OPCML: variants seen among roughly 807,000 people sequenced by gnomAD.
The protein encoded by OPCML is opioid-binding protein/cell adhesion molecule.
In OPCML, 13 loss-of-function variants were observed where a neutral mutation model predicts 37.8. That is an observed-to-expected ratio of 0.34 (90% CI 0.22 to 0.55). The LOEUF is 0.55. Among genes scored for constraint, OPCML ranks in the 20% least tolerant of loss-of-function variants. The probability of loss-of-function intolerance (pLI) is 0.91; values close to 1 mark genes in which losing one functional copy is unlikely to be tolerated. For missense variants in OPCML, 341 were observed against 435.6 expected (o/e 0.78, Z 1.93); for synonymous variants, 176 against 168.8 (o/e 1.04, Z -0.33).
At chr11:133,084,295 G>A in intron 1 of OPCML, among the ~76,000 whole-genome samples, 1 of 152,146 alleles carries the variant, frequency 6.6e-6, no homozygotes, top group East Asian at 1.9e-4. Flanking sequence ...TGCACACCCT[G>A]CGCACTCCAT....
chr11:132,470,320 A>G (rs919218098), intron 4 of OPCML, among the ~76,000 whole-genome samples: 3 of 152,082 alleles, frequency 2.0e-5, no homozygotes, highest in Non-Finnish European at 2.9e-5. Context: ...GCTTCCTACT[A>G]GATCAGCTAT....
intron 2 of OPCML, among the ~76,000 whole-genome samples, chr11:132,711,453 A>G (rs1784520): frequency 0.77 from 116,971 of 152,128 alleles, 45,152 homozygotes; most frequent in African/African-American, 0.8. Flanking sequence ...AACTTGACTC[A>G]AATTTAACAT....
intron 1 of OPCML, among the ~76,000 whole-genome samples, chr11:133,499,114 G>A (rs1476219338): frequency 2.0e-5 from 3 of 152,122 alleles, no homozygotes; most frequent in African/African-American, 7.2e-5. Context: ...AATGCTCCCT[G>A]TCCACTGAGG....
intron 1 of OPCML, chr11:133,298,353 A>G (rs1042083728): frequency 6.6e-6 from 1 of 152,246 alleles, no homozygotes; most frequent in Non-Finnish European, 1.5e-5. Flanking sequence ...TAAGAAAGAC[A>G]GAAAATGGTA....
At position 133,492,769 on chromosome 11, in the gene OPCML, C is replaced by T. The variant is rs140924053; in HGVS notation, c.61+39495G>A. Among the ~76,000 whole-genome samples the T allele has an allele frequency of 1.1e-4, 17 of 149,392 alleles. No homozygotes were observed. In the East Asian group the frequency reaches 1.8e-3, roughly 16 times the overall value. On this transcript the variant is annotated intron_variant, in intron 1 of 7. Transcript: ENST00000524381. ...AGTAAAATTTCTGAATAAATATTAA[C>T]GGGAAATTTATAAGCACTTAGTGGC...
At chr11:132,599,665 A>T (rs1444389100) in intron 3 of OPCML, among the ~76,000 whole-genome samples, 1 of 152,196 alleles carries the variant, frequency 6.6e-6, no homozygotes, top group African/African-American at 2.4e-5. Context: ...CTAGTTGTAT[A>T]TACAGGAGTC....
At chr11:132,861,691 C>T (rs1490337081) in intron 2 of OPCML, among the ~76,000 whole-genome samples, 29 of 151,964 alleles carry the variant, frequency 1.9e-4, no homozygotes. Flanking sequence ...AAAAATTAGC[C>T]AGGCGTGGTG....
chr11:133,422,711 C>T (rs968014310), intron 1 of OPCML: 8 of 982,880 alleles, frequency 8.1e-6, no homozygotes, highest in Middle Eastern at 5.2e-4. Flanking sequence ...CAAACACTCT[C>T]AAACTTTCTC....
chr11:132,475,584 A>G (rs73585042), intron 4 of OPCML, among the ~76,000 whole-genome samples: 1,750 of 152,304 alleles, frequency 0.011, 24 homozygotes, highest in African/African-American at 0.037. Flanking sequence ...AGAAAAGAAC[A>G]TGTGAAGAGG....
At chr11:132,588,892 C>G (rs1218497445) in intron 3 of OPCML, among the ~76,000 whole-genome samples, 3 of 152,180 alleles carry the variant, frequency 2.0e-5, no homozygotes, top group Non-Finnish European at 4.4e-5. Flanking sequence ...GCAAGCAACT[C>G]TATCTCAGAT....
intron 1 of OPCML, among the ~76,000 whole-genome samples, chr11:133,037,385 G>T (rs1003487742): frequency 1.3e-5 from 2 of 152,198 alleles, no homozygotes; most frequent in Non-Finnish European, 2.9e-5. Context: ...AAGCGTTCAA[G>T]TTGAGGCTGC....
chr11:132,611,087 T>G (rs1478089521), intron 3 of OPCML, among the ~76,000 whole-genome samples: 1 of 152,198 alleles, frequency 6.6e-6, no homozygotes, highest in Non-Finnish European at 1.5e-5. Context: ...CCATGACATT[T>G]CTCTGGGATT....
chr11:132,921,259 G>C (rs528252806), intron 2 of OPCML, among the ~76,000 whole-genome samples: 1 of 152,180 alleles, frequency 6.6e-6, no homozygotes, highest in African/African-American at 2.4e-5. Flanking sequence ...TCGCCTCCCT[G>C]TTTGGCTTTT....
intron 4 of OPCML, among the ~76,000 whole-genome samples, chr11:132,439,529 C>T (rs2096024930): frequency 6.6e-6 from 1 of 152,224 alleles, no homozygotes; most frequent in African/African-American, 2.4e-5. Flanking sequence ...TCTTGCCCTA[C>T]TCCCTTTATT....
In OPCML at chr11:133,039,668, C is replaced by T. The variant is rs558917097; in HGVS notation, c.62-96658G>A. 8.5e-5 allele frequency among the ~76,000 whole-genome samples: 13 copies of T among 152,244 alleles called. 1 individual carries two copies. The highest frequency in any genetic ancestry group is 2.9e-4 in the African/African-American group (12 of 41,554). ...TGAATCCCAGTGGCCTCAGCCAAAA[C>T]GTCCTTCTTGGCAGTCATGGGTGGG... On this transcript the variant is annotated intron_variant, in intron 1 of 7. Coordinates refer to ENST00000524381, the MANE Select transcript of OPCML (RefSeq NM_001012393.5).
chr11:132,675,963 C>A (rs1157831904), intron 2 of OPCML, among the ~76,000 whole-genome samples: 1 of 152,080 alleles, frequency 6.6e-6, no homozygotes, highest in Non-Finnish European at 1.5e-5. Flanking sequence ...CATAGAAATC[C>A]AAGGGACTCA....
intron 7 of OPCML, among the ~76,000 whole-genome samples, chr11:132,422,202 G>T (rs1194692210): frequency 6.6e-6 from 1 of 152,058 alleles, no homozygotes; most frequent in Admixed American, 6.6e-5. Flanking sequence ...CTCCACTCTA[G>T]ACAGAACTCT....
intron 1 of OPCML, among the ~76,000 whole-genome samples, chr11:132,994,189 CG>C (rs1946834839): frequency 6.6e-6 from 1 of 152,220 alleles, no homozygotes; most frequent in Non-Finnish European, 1.5e-5. Flanking sequence ...AGATTCAGGG[CG>C]GGAGTCCCCG....
chr11:133,155,329 A>G (rs1392063894), intron 1 of OPCML, among the ~76,000 whole-genome samples: 1 of 151,990 alleles, frequency 6.6e-6, no homozygotes, highest in African/African-American at 2.4e-5. Flanking sequence ...TTCTGCTTCT[A>G]CTGTAATATT....
Sources: allele counts gnomAD v4.1 joint callset (sites outside exome capture counted in the v4.1 genomes callset), GRCh38; gene constraint gnomAD v4.1.1; transcripts MANE v1.5; gene names NCBI Gene and HGNC (gene_info 2026-07-23, HGNC 2026-07-21).